ADAMTS18: variants seen among roughly 807,000 people sequenced by gnomAD.
ADAMTS18 encodes the protein ADAM metallopeptidase with thrombospondin type 1 motif 18.
Under a neutral mutation model 165.9 loss-of-function variants are expected in ADAMTS18, and 157 were observed. The ratio of observed to expected loss-of-function variants is 0.95; its 90% CI spans 0.83 to 1.08. The LOEUF is 1.08. ADAMTS18 is among the 50% of genes least tolerant of loss of function. The pLI is 0.00. For synonymous variants in ADAMTS18, 782 were observed against 578.2 expected, an observed-to-expected ratio of 1.35 and a Z score of -5.06; for missense variants, 2,040 against 1,534.0, an observed-to-expected ratio of 1.33 and a Z score of -5.51.
intron 20 of ADAMTS18, 105 bp from the exon 21 acceptor site, chr16:77,291,583 G>T: frequency 1.8e-6 from 2 of 1,142,502 alleles, no homozygotes; most frequent in Non-Finnish European, 2.6e-6. Context: ...AAATAGGAGG[G>T]ATGGGATTAC....
At chr16:77,354,484 A>G (rs1160008322) in intron 9 of ADAMTS18, among the ~76,000 whole-genome samples, 1 of 152,114 alleles carries the variant, frequency 6.6e-6, no homozygotes, top group African/African-American at 2.4e-5. Context: ...ACTTGTTGAG[A>G]GCAAAAATCA....
At position 77,282,245 on chromosome 16, in the gene ADAMTS18, ATTAC is replaced by A. The variant is rs1214827804; in HGVS notation, c.*1707_*1710del. On this transcript the variant is annotated 3_prime_UTR_variant, in exon 23 of 23. Coordinates refer to ENST00000282849, the MANE Select transcript of ADAMTS18 (RefSeq NM_199355.4). ...TTTATTCAACATTTTATCTCAAAAT[ATTAC>A]TTAGAGAAGCAAGTGAGAACACATA... The A allele has an allele frequency of 6.6e-6, 1 of 152,172 alleles. No individual in the cohort carries two copies. The highest frequency in any genetic ancestry group is 2.4e-5 in the African/African-American group (1 of 41,462). 9.4% of individuals were successfully genotyped at this position (152,172 alleles called of 1,614,324 possible). A position where few individuals can be genotyped will look rare whatever the true frequency, so the allele number is the denominator to read the frequency against.
intron 3 of ADAMTS18, among the ~76,000 whole-genome samples, chr16:77,401,297 C>A (rs2057328887): frequency 6.6e-6 from 1 of 151,950 alleles, no homozygotes; most frequent in Non-Finnish European, 1.5e-5. Flanking sequence ...AGAAAGAAAC[C>A]AAATTGTAAC....
intron 11 of ADAMTS18, among the ~76,000 whole-genome samples, chr16:77,338,811 G>T (rs949073018): frequency 1.3e-4 from 20 of 151,720 alleles, no homozygotes; most frequent in African/African-American, 4.6e-4. Context: ...AAAATTAGCC[G>T]GGCGTGGTGG....
At chr16:77,297,506 ATATTT>A in intron 17 of ADAMTS18, 91 bp from the exon 18 acceptor site, 1 of 1,352,346 alleles carries the variant, frequency 7.4e-7, no homozygotes. Flanking sequence ...CAGCATTGTG[ATATTT>A]TATTTCAGAT....
At chr16:77,357,221 A>G (rs1468743404) in intron 8 of ADAMTS18, among the ~76,000 whole-genome samples, 1 of 152,090 alleles carries the variant, frequency 6.6e-6, no homozygotes, top group Non-Finnish European at 1.5e-5. Context: ...ATGTTACGAT[A>G]AAAGATATGA....
chr16:77,413,001 TA>T (rs2057484793), intron 3 of ADAMTS18, among the ~76,000 whole-genome samples: 1 of 152,096 alleles, frequency 6.6e-6, no homozygotes, highest in South Asian at 2.1e-4. Context: ...CTGGCCCTTA[TA>T]ATGCATTTCT....
At chr16:77,374,775 T>A (rs1038858256) in intron 3 of ADAMTS18, among the ~76,000 whole-genome samples, 1 of 152,120 alleles carries the variant, frequency 6.6e-6, no homozygotes. Context: ...ATAATAATAA[T>A]GGGCATCCTA....
intron 3 of ADAMTS18, among the ~76,000 whole-genome samples, chr16:77,422,931 G>A (rs2057622620): frequency 6.6e-6 from 1 of 152,196 alleles, no homozygotes; most frequent in South Asian, 2.1e-4. Flanking sequence ...CTCCCAGAGA[G>A]GTTCAGGCAG....
At chr16:77,299,582 A>C (rs2055541566) in intron 17 of ADAMTS18, among the ~76,000 whole-genome samples, 1 of 152,176 alleles carries the variant, frequency 6.6e-6, no homozygotes, top group Non-Finnish European at 1.5e-5. Context: ...ACCAACATTC[A>C]TGCTGTGGTT....
chr16:77,385,200 T>C (rs557465724), intron 3 of ADAMTS18, among the ~76,000 whole-genome samples: 48 of 152,298 alleles, frequency 3.2e-4, no homozygotes, highest in African/African-American at 1.1e-3. Context: ...TGAGCCACCA[T>C]GCCTGGCCAT....
intron 20 of ADAMTS18, among the ~76,000 whole-genome samples, chr16:77,292,007 G>C (rs566262383): frequency 6.6e-6 from 1 of 152,280 alleles, no homozygotes; most frequent in South Asian, 2.1e-4. Context: ...TATCCTTTTA[G>C]GAAAAATATC....
chr16:77,322,279 A>G (rs2056014628), intron 14 of ADAMTS18, 57 bp downstream of exon 14: 49 of 1,603,638 alleles, frequency 3.1e-5, no homozygotes, highest in Non-Finnish European at 4.1e-5. Flanking sequence ...CACGGTACAC[A>G]CGATATGATA....
chr16:77,430,001 G>T lies in ADAMTS18; in HGVS notation c.495+1294C>A, dbSNP rs76771545. On this transcript the variant is annotated intron_variant, in intron 3 of 22. Coordinates refer to ENST00000282849, the MANE Select transcript of ADAMTS18 (RefSeq NM_199355.4). Reference sequence around the variant, plus strand: ...TGGTCTGAGAATTAGAACCTGGGCAGACTGCTTTCAACTACTGGTATGTGG... The same window carrying T: ...TGGTCTGAGAATTAGAACCTGGGCATACTGCTTTCAACTACTGGTATGTGG... 4.3e-3 allele frequency among the ~76,000 whole-genome samples: 652 copies of T among 152,280 alleles called. 5 individuals are homozygous for T. Among genetic ancestry groups the T allele is most frequent in the South Asian group, 7.3e-3 (35 of 4,822 alleles).
chr16:77,401,519 T>C (rs2057331444), intron 3 of ADAMTS18, among the ~76,000 whole-genome samples: 1 of 152,358 alleles, frequency 6.6e-6, no homozygotes, highest in South Asian at 2.1e-4. Flanking sequence ...AGGTTTGGAA[T>C]TCTGGCTGCA....
chr16:77,385,074 A>T (rs898872492), intron 3 of ADAMTS18, among the ~76,000 whole-genome samples: 2 of 151,916 alleles, frequency 1.3e-5, no homozygotes, highest in East Asian at 3.9e-4. Flanking sequence ...ATGCCTGTCT[A>T]ATTTTTGGAT....
chr16:77,314,536 C>T (rs7194896), intron 16 of ADAMTS18, among the ~76,000 whole-genome samples: 47,311 of 148,238 alleles, frequency 0.32, 9,607 homozygotes, highest in Non-Finnish European at 0.46. Flanking sequence ...CGCTTGGACC[C>T]AGTAGGCGGA....
At chr16:77,355,089 A>G (rs183016523) in intron 9 of ADAMTS18, among the ~76,000 whole-genome samples, 11 of 152,304 alleles carry the variant, frequency 7.2e-5, no homozygotes, top group African/African-American at 2.4e-4. Flanking sequence ...CAGGTTAAAA[A>G]TAAAGTATCA....
chr16:77,340,377 G>A (rs536730684), intron 11 of ADAMTS18, among the ~76,000 whole-genome samples: 273 of 152,136 alleles, frequency 1.8e-3, no homozygotes, highest in Middle Eastern at 3.4e-3. Flanking sequence ...GTTTCACCAC[G>A]TTGGCCAGGC....
Sources: allele counts gnomAD v4.1 joint callset (sites outside exome capture counted in the v4.1 genomes callset), GRCh38; gene constraint gnomAD v4.1.1; transcripts MANE v1.5; gene names NCBI Gene and HGNC (gene_info 2026-07-23, HGNC 2026-07-21).